The following GALNT13 variants were observed in gnomAD, a reference collection of about 807,000 sequenced individuals.
GALNT13 encodes the protein polypeptide N-acetylgalactosaminyltransferase 13, also known as UDP-GalNAc:polypeptide N-acetylgalactosaminyltransferase 13.
A neutral mutation model predicts 64.2 loss-of-function variants in GALNT13; 28 were observed. That is an observed-to-expected ratio of 0.44 (90% CI 0.32 to 0.60). The LOEUF is 0.60. GALNT13 is among the 20% of genes least tolerant of loss of function. The pLI, the probability that GALNT13 is intolerant of heterozygous loss-of-function variation, is 0.05. For missense variants in GALNT13, 577 were observed against 669.8 expected (o/e 0.86, Z 1.53); for synonymous variants, 214 against 224.6 (o/e 0.95, Z 0.42).
At position 154,242,131 on chromosome 2, in the gene GALNT13, T is replaced by A. The variant is rs1406272616; in HGVS notation, c.413T>A (p.Val138Glu). The change falls in exon 5 of 13, where the codon GTG becomes GAG. Residue 138 changes from valine (V) to glutamate (E), a missense_variant. Physicochemically the swap from Val to Glu is moderately radical, Grantham distance 121 (BLOSUM62 -2). Around this residue, in one of 3 missense-constraint regions of GALNT13, gnomAD observed 341 missense variants for 379.3 expected, o/e 0.90. Coordinates refer to ENST00000392825, the MANE Select transcript of GALNT13 (RefSeq NM_052917.4). ...ACTCTCCTTAGAACTGTTTACAGTG[T>A]GATAAATCGTTCCCCACACTATCTA... ...WSTLLRTVYS[V>E]INRSPHYLLS... 1 of 1,613,108 alleles carries A rather than the reference T, an allele frequency of 6.2e-7. No homozygotes were observed. The highest frequency in any genetic ancestry group is 8.5e-7 in the Non-Finnish European group (1 of 1,179,292).
the GALNT13 span, among the ~76,000 whole-genome samples, chr2:153,450,770 T>C: frequency 1.3e-5 from 2 of 152,154 alleles, no homozygotes; most frequent in African/African-American, 2.4e-5. Context: ...TCTTATGTAA[T>C]AGTAGCCAGT....
At chr2:153,175,394 C>T in the GALNT13 span, among the ~76,000 whole-genome samples, 3 of 152,040 alleles carry the variant, frequency 2.0e-5, no homozygotes, top group Non-Finnish European at 4.4e-5. Context: ...GTGTAATTTG[C>T]AAATTCTTAA....
intron 3 of GALNT13, among the ~76,000 whole-genome samples, chr2:153,992,210 A>G (rs186921195): frequency 1.1e-4 from 16 of 152,310 alleles, no homozygotes; most frequent in Admixed American, 9.8e-4. Context: ...TGATTTAAAT[A>G]TTTCAGTATT....
intron 2 of GALNT13, among the ~76,000 whole-genome samples, chr2:153,912,666 T>A (rs909143749): frequency 6.6e-6 from 1 of 152,130 alleles, no homozygotes; most frequent in African/African-American, 2.4e-5. Flanking sequence ...TTCTGCAAGA[T>A]TTTAGGGAGT....
the GALNT13 span, among the ~76,000 whole-genome samples, chr2:153,822,325 A>T: frequency 0.073 from 11,048 of 152,210 alleles, 475 homozygotes; most frequent in African/African-American, 0.11. Context: ...AGATGCCAAA[A>T]TCCTCAGCAA....
chr2:154,172,152 A>C (rs1685390146), intron 4 of GALNT13, among the ~76,000 whole-genome samples: 1 of 151,948 alleles, frequency 6.6e-6, no homozygotes, highest in Non-Finnish European at 1.5e-5. Flanking sequence ...TAATAAAAAT[A>C]TTATTTTAAA....
chr2:153,334,753 A>G, the GALNT13 span, among the ~76,000 whole-genome samples: 2 of 152,174 alleles, frequency 1.3e-5, no homozygotes, highest in Non-Finnish European at 2.9e-5. Context: ...TTTTGATTAC[A>G]TATTTTTCTG....
At chr2:153,143,192 G>A in the GALNT13 span, among the ~76,000 whole-genome samples, 2 of 151,842 alleles carry the variant, frequency 1.3e-5, no homozygotes, top group South Asian at 2.1e-4. Context: ...TGTTATCATC[G>A]CTCCACTCAT....
rs578079485 is a variant in GALNT13 at position 154,181,904 on chromosome 2, C to T, written c.311+41399C>T. Among the ~76,000 whole-genome samples the T allele has an allele frequency of 2.6e-4, 40 of 151,968 alleles. No homozygotes were observed. The South Asian group carries it at 3.1e-3, about 12-fold the overall frequency. ...TTAAGAACATTATTAGATTTTCTCT[C>T]TCTTTTTTTTTATGTTTATATGTTA... On this transcript the variant is annotated intron_variant, in intron 4 of 12. Coordinates refer to ENST00000392825, the MANE Select transcript of GALNT13 (RefSeq NM_052917.4).
the GALNT13 span, among the ~76,000 whole-genome samples, chr2:153,455,214 A>G: frequency 6.6e-6 from 1 of 152,234 alleles, no homozygotes; most frequent in Admixed American, 6.5e-5. Flanking sequence ...TCATATTATG[A>G]TAACTTCTCA....
chr2:153,141,283 A>G, the GALNT13 span, among the ~76,000 whole-genome samples: 1 of 151,964 alleles, frequency 6.6e-6, no homozygotes, highest in African/African-American at 2.4e-5. Flanking sequence ...TCTGGGTTCC[A>G]CAAGCAGGAT....
the GALNT13 span, among the ~76,000 whole-genome samples, chr2:153,107,596 T>A: frequency 6.6e-6 from 1 of 152,276 alleles, no homozygotes; most frequent in East Asian, 1.9e-4. Flanking sequence ...TAGATTATTT[T>A]TCCTGGAGAG....
chr2:153,194,119 T>G, the GALNT13 span, among the ~76,000 whole-genome samples: 2 of 152,186 alleles, frequency 1.3e-5, no homozygotes, highest in African/African-American at 2.4e-5. Flanking sequence ...GTTTCCTTTA[T>G]CTGTATGTCT....
At chr2:154,266,406 G>GA in intron 8 of GALNT13, among the ~76,000 whole-genome samples, 1 of 151,990 alleles carries the variant, frequency 6.6e-6, no homozygotes, top group Non-Finnish European at 1.5e-5. Flanking sequence ...AAATAAGACA[G>GA]TCTTCTTATC....
At chr2:154,093,908 A>C (rs1701948421) in intron 3 of GALNT13, among the ~76,000 whole-genome samples, 1 of 151,514 alleles carries the variant, frequency 6.6e-6, no homozygotes, top group African/African-American at 2.4e-5. Context: ...AACTCGATAA[A>C]AGCTGTCATG....
chr2:153,617,023 A>G, the GALNT13 span, among the ~76,000 whole-genome samples: 1 of 151,976 alleles, frequency 6.6e-6, no homozygotes, highest in Admixed American at 6.6e-5. Flanking sequence ...AGCCACTTTC[A>G]GCATTGGACA....
intron 10 of GALNT13, among the ~76,000 whole-genome samples, chr2:154,408,015 G>A (rs1699631385): frequency 6.6e-6 from 1 of 152,076 alleles, no homozygotes; most frequent in Non-Finnish European, 1.5e-5. Flanking sequence ...AAATATATGT[G>A]TCCAATAATT....
At chr2:154,163,086 C>T (rs1049452484) in intron 4 of GALNT13, among the ~76,000 whole-genome samples, 19 of 150,688 alleles carry the variant, frequency 1.3e-4, no homozygotes, top group African/African-American at 3.9e-4. Context: ...CACCCATTAA[C>T]TCTTTATTTA....
intron 3 of GALNT13, among the ~76,000 whole-genome samples, chr2:154,075,370 G>A (rs1341536698): frequency 1.3e-5 from 2 of 151,506 alleles, no homozygotes. Context: ...TTTAGGTTTC[G>A]AGATAACATC....
Sources: allele counts gnomAD v4.1 joint callset (sites outside exome capture counted in the v4.1 genomes callset), GRCh38; gene constraint gnomAD v4.1.1; regional missense constraint gnomAD v4.1.1; transcripts MANE v1.5; gene names NCBI Gene and HGNC (gene_info 2026-07-23, HGNC 2026-07-21).